Variants in THADA observed in about 807,000 individuals in gnomAD.
The protein encoded by THADA is tRNA (32-2'-O)-methyltransferase regulator THADA.
A neutral mutation model predicts 219.8 loss-of-function variants in THADA; 213 were observed. That is an observed-to-expected ratio of 0.97 (90% CI 0.87 to 1.09). The LOEUF (loss-of-function observed/expected upper bound fraction) is 1.09. Ranked by LOEUF, THADA falls within the 50% of genes least tolerant of loss-of-function variation. The probability of loss-of-function intolerance (pLI) is 0.00; values close to 1 mark genes in which losing one functional copy is unlikely to be tolerated. For synonymous variants in THADA, 1,018 were observed against 828.9 expected, an observed-to-expected ratio of 1.23 and a Z score of -3.92; for missense variants, 2,956 against 2,311.3, an observed-to-expected ratio of 1.28 and a Z score of -5.72.
At chr2:43,401,558 G>A (rs1364716054) in intron 28 of THADA, among the ~76,000 whole-genome samples, 3 of 152,224 alleles carry the variant, frequency 2.0e-5, no homozygotes, top group African/African-American at 4.8e-5. Flanking sequence ...GATTATAGGC[G>A]TGAGCCACCA....
chr2:43,565,178 C>CTT (rs1698517932), intron 15 of THADA: 1 of 152,160 alleles, frequency 6.6e-6, no homozygotes, highest in African/African-American at 2.4e-5. Context: ...TGGCTCACAC[C>CTT]TGTAATCCCA....
chr2:43,578,111 C>T (rs1416670540), intron 9 of THADA, among the ~76,000 whole-genome samples: 2 of 146,574 alleles, frequency 1.4e-5, no homozygotes, highest in African/African-American at 5.0e-5. Context: ...CCAGACAATG[C>T]AAAAAAAAAT....
chr2:43,232,610 G>A (rs1667568763), intron 37 of THADA, 103 bp downstream of exon 37: 1 of 1,279,262 alleles, frequency 7.8e-7, no homozygotes, highest in East Asian at 2.5e-5. Context: ...TTCCTGCTCT[G>A]TGTCTAAGCA....
At chr2:43,571,039 A>G (rs1182331655) in intron 13 of THADA, among the ~76,000 whole-genome samples, 1 of 152,154 alleles carries the variant, frequency 6.6e-6, no homozygotes, top group African/African-American at 2.4e-5. Context: ...CAGGACCACT[A>G]GAGTCCAGGA....
At chr2:43,506,816 C>T (rs903457464) in intron 23 of THADA, among the ~76,000 whole-genome samples, 2 of 152,284 alleles carry the variant, frequency 1.3e-5, no homozygotes, top group East Asian at 3.9e-4. Flanking sequence ...TTTGTAGCTA[C>T]TGGCTCTCAA....
intron 30 of THADA, among the ~76,000 whole-genome samples, chr2:43,327,484 G>C (rs1339614475): frequency 7.3e-6 from 1 of 137,082 alleles, no homozygotes; most frequent in Non-Finnish European, 1.6e-5. Context: ...AAAGAGGGGG[G>C]GTGGTTAGAA....
chr2:43,557,352 A>G (rs1697498329), intron 16 of THADA, among the ~76,000 whole-genome samples: 1 of 152,168 alleles, frequency 6.6e-6, no homozygotes, highest in South Asian at 2.1e-4. Flanking sequence ...TACTATTTCT[A>G]GACAGGGCAG....
chr2:43,430,580 A>T, intron 26 of THADA: 1 of 478,408 alleles, frequency 2.1e-6, no homozygotes, highest in Non-Finnish European at 4.1e-6. Context: ...AGAAATATGT[A>T]ATCTGTGCCA....
At chr2:43,483,375 A>G (rs1375687936) in intron 26 of THADA, among the ~76,000 whole-genome samples, 1 of 152,218 alleles carries the variant, frequency 6.6e-6, no homozygotes, top group Non-Finnish European at 1.5e-5. Flanking sequence ...ATCACAAGCA[A>G]CTGCAAATTT....
At chr2:43,516,701 C>T (rs771925457) in intron 22 of THADA, among the ~76,000 whole-genome samples, 1 of 152,060 alleles carries the variant, frequency 6.6e-6, no homozygotes, top group Non-Finnish European at 1.5e-5. Context: ...GACACCAAAG[C>T]CCTTGCCTAA....
rs371715655 is a variant in THADA at position 43,344,228 on chromosome 2, A to G, written c.4237T>C (p.Leu1413=). 5 of 1,602,844 alleles carry G rather than the reference A, an allele frequency of 3.1e-6. No individual in the cohort carries two copies. The African/African-American group carries it at 6.7e-5, about 22-fold the overall frequency. ...TTGGAGTCTGAGTAGGCTTGCAACA[A>G]ATGAAAAACCTAAACCAAAAAAGAA... ...IHGTLLQVFH[L]LQAYSDSKHG... Residue 1413 remains leucine (L), a synonymous_variant, in exon 30 of 38, where the codon TTG becomes CTG. Transcript: ENST00000405975.
At chr2:43,431,534 C>T (rs1268578041) in intron 26 of THADA, among the ~76,000 whole-genome samples, 5 of 151,936 alleles carry the variant, frequency 3.3e-5, no homozygotes, top group African/African-American at 9.7e-5. Flanking sequence ...GGTGCGATCT[C>T]GGCTCACTGC....
At chr2:43,391,283 C>G (rs1278030192) in intron 29 of THADA, among the ~76,000 whole-genome samples, 2 of 152,164 alleles carry the variant, frequency 1.3e-5, no homozygotes, top group African/African-American at 4.8e-5. Context: ...CATCAAATGG[C>G]AAATCTCTAA....
chr2:43,299,497 A>G lies in THADA; in HGVS notation c.4439-6284T>C, dbSNP rs180710092. Reference sequence around the variant, plus strand: ...AACATGGTGAAACCCCGTCTCTACTAAAAAAAATACAAAAATTAGCTGGGC... The same window carrying G: ...AACATGGTGAAACCCCGTCTCTACTGAAAAAAATACAAAAATTAGCTGGGC... On this transcript the variant is annotated intron_variant, in intron 31 of 37. Transcript: ENST00000405975. 2.3e-3 allele frequency among the ~76,000 whole-genome samples: 340 copies of G among 150,356 alleles called. 1 individual carries two copies. The highest frequency in any genetic ancestry group is 7.3e-3 in the African/African-American group (300 of 40,916).
At chr2:43,423,440 T>C (rs949442858) in intron 28 of THADA, among the ~76,000 whole-genome samples, 2 of 151,632 alleles carry the variant, frequency 1.3e-5, no homozygotes, top group Non-Finnish European at 2.9e-5. Context: ...TCTTTCTTTT[T>C]TTTTTTTTTT....
chr2:43,231,132 G>C lies in THADA; in HGVS notation c.5678C>G (p.Ala1893Gly). ...GAACTCCACTGTCTTCACAAACTCA[G>C]CAGCTGGTGGAAGCTCTCTGAAGAA... ...SQFFRELPPA[A>G]EFVKTVEFTR... Residue 1893 changes from alanine to glycine, a missense_variant, in exon 38 of 38, where the codon GCT (alanine) becomes GGT (glycine). By Grantham distance (60) the Ala-to-Gly change is moderately conservative (BLOSUM62 0). Transcript: ENST00000405975. 1 of 1,613,890 alleles carries C rather than the reference G, an allele frequency of 6.2e-7. No individual in the cohort carries two copies. The highest frequency in any genetic ancestry group is 1.1e-5 in the South Asian group (1 of 91,074).
intron 29 of THADA, among the ~76,000 whole-genome samples, chr2:43,386,091 C>T (rs72879261): frequency 1.0e-3 from 158 of 152,166 alleles, no homozygotes; most frequent in African/African-American, 3.6e-3. Context: ...CATACCTCAA[C>T]AACTGCTTCA....
At chr2:43,461,362 G>C (rs1283614247) in intron 26 of THADA, among the ~76,000 whole-genome samples, 1 of 152,130 alleles carries the variant, frequency 6.6e-6, no homozygotes. Context: ...ACATACACTT[G>C]AGTAAGTGCA....
rs904296760 is a variant in THADA at position 43,498,876 on chromosome 2, C to A, written c.3701G>T (p.Gly1234Val). Residue 1234 changes from glycine (G) to valine (V), a missense_variant, in exon 25 of 38, where the codon GGA (glycine) becomes GTA (valine). Physicochemically the swap from Gly to Val is moderately radical, Grantham distance 109. Transcript: ENST00000405975. Reference protein sequence around the residue: ...GENIIPYVADGAKAAILGFTS... With the variant: ...GENIIPYVADVAKAAILGFTS... ...AAAACCCAGAATTGCAGCCTTAGCT[C>A]CATCAGCAACATAAGGAATAATATT... 1.4e-5 allele frequency: 22 copies of A among 1,612,130 alleles called. No homozygotes were observed. Among genetic ancestry groups the A allele is most frequent in the Non-Finnish European group, 1.8e-5 (21 of 1,179,190 alleles).
Sources: allele counts gnomAD v4.1 joint callset (sites outside exome capture counted in the v4.1 genomes callset), GRCh38; gene constraint gnomAD v4.1.1; transcripts MANE v1.5; gene names NCBI Gene and HGNC (gene_info 2026-07-23, HGNC 2026-07-21).